Variants in RPGRIP1 observed in about 807,000 individuals in gnomAD.
RPGRIP1 encodes the protein X-linked retinitis pigmentosa GTPase regulator-interacting protein 1.
Under a neutral mutation model 157.9 loss-of-function variants are expected in RPGRIP1, and 128 were observed. The ratio of observed to expected loss-of-function variants is 0.81; its 90% CI spans 0.70 to 0.94. RPGRIP1 has a LOEUF of 0.94. Among genes scored for constraint, RPGRIP1 ranks in the 40% least tolerant of loss-of-function variants. The pLI, the probability that RPGRIP1 is intolerant of heterozygous loss-of-function variation, is 0.00. For synonymous variants in RPGRIP1, 554 were observed against 571.6 expected (o/e 0.97, Z 0.44); for missense variants, 1,486 against 1,545.8 (o/e 0.96, Z 0.65).
intron 1 of RPGRIP1, among the ~76,000 whole-genome samples, chr14:21,286,136 C>T (rs1880289891): frequency 6.6e-6 from 1 of 152,004 alleles, no homozygotes; most frequent in East Asian, 1.9e-4. Flanking sequence ...ATTAAAGGCA[C>T]CCGCCACCAC....
chr14:21,335,608 A>T (rs1226037783), intron 21 of RPGRIP1, among the ~76,000 whole-genome samples: 3 of 152,184 alleles, frequency 2.0e-5, no homozygotes, highest in Admixed American at 6.5e-5. Flanking sequence ...AGACGGGTGG[A>T]TCACGAGGTC....
At chr14:21,280,191 T>C (rs1181622840) in intron 1 of RPGRIP1, among the ~76,000 whole-genome samples, 32 bp downstream of exon 1, 1 of 151,968 alleles carries the variant, frequency 6.6e-6, no homozygotes, top group Non-Finnish European at 1.5e-5. Context: ...ATTTATAGTT[T>C]CCTATGTCTT....
At chr14:21,340,400 G>A (rs903144200) in intron 21 of RPGRIP1, among the ~76,000 whole-genome samples, 1 of 152,318 alleles carries the variant, frequency 6.6e-6, no homozygotes, top group Admixed American at 6.5e-5. Context: ...CACGCCTGTA[G>A]TCCCAACACT....
intron 21 of RPGRIP1, among the ~76,000 whole-genome samples, chr14:21,342,543 C>CAA (rs58979311): frequency 9.7e-4 from 110 of 113,288 alleles, no homozygotes; most frequent in African/African-American, 3.3e-3. Context: ...GACTCTGTCT[C>CAA]AAAAAAAAAA....
chr14:21,311,143 T>G (rs1013714011), intron 8 of RPGRIP1, among the ~76,000 whole-genome samples: 14 of 152,172 alleles, frequency 9.2e-5, no homozygotes, highest in African/African-American at 3.4e-4. Context: ...ATGTCACTTG[T>G]CTAGGTACAA....
chr14:21,320,663 G>A (rs149928345), intron 12 of RPGRIP1, among the ~76,000 whole-genome samples: 2,755 of 146,732 alleles, frequency 0.019, 68 homozygotes, highest in African/African-American at 0.062. Flanking sequence ...GCAATGGCGC[G>A]ATCTCGGCTC....
chr14:21,311,984 G>A lies in RPGRIP1; in HGVS notation c.1077+14G>A. 6.2e-7 allele frequency: 1 copy of A among 1,606,226 alleles called. No individual in the cohort carries two copies. The highest frequency in any genetic ancestry group is 8.5e-7 in the Non-Finnish European group (1 of 1,174,478). On this transcript the variant is annotated intron_variant, in intron 9 of 24. Coordinates refer to ENST00000400017, the MANE Select transcript of RPGRIP1 (RefSeq NM_020366.4). Reference sequence around the variant, plus strand: ...ACTCTGAAGGAGGTAAATAATAATAGTTGAAAGATACCATCTACATTTCAA... The same window carrying A: ...ACTCTGAAGGAGGTAAATAATAATAATTGAAAGATACCATCTACATTTCAA...
chr14:21,289,493 G>C (rs1880434727), intron 2 of RPGRIP1, among the ~76,000 whole-genome samples: 1 of 152,088 alleles, frequency 6.6e-6, no homozygotes, highest in African/African-American at 2.4e-5. Flanking sequence ...ACAAAAAAAG[G>C]TATTTTTGTA....
At chr14:21,298,941 TAAAAA>T (rs10555165) in intron 3 of RPGRIP1, among the ~76,000 whole-genome samples, 5 of 82,514 alleles carry the variant, frequency 6.1e-5, no homozygotes, top group Admixed American at 1.4e-4. Context: ...CTCTGTCTCA[TAAAAA>T]AAAAAAAAAA....
At chr14:21,298,610 A>G (rs1880892531) in intron 3 of RPGRIP1, among the ~76,000 whole-genome samples, 1 of 151,290 alleles carries the variant, frequency 6.6e-6, no homozygotes. Context: ...TTGCTTTCTC[A>G]TTGTAACCCC....
At chr14:21,318,840 CTTT>C (rs34157462) in intron 11 of RPGRIP1, among the ~76,000 whole-genome samples, 2 of 143,292 alleles carry the variant, frequency 1.4e-5, no homozygotes. Flanking sequence ...AACTGGAATA[CTTT>C]TTTTTTTTTT....
Position 21,310,596 on chromosome 14 carries a change from T to C in RPGRIP1, c.919T>C (p.Leu307=), listed in dbSNP as rs777964919. 6.9e-7 allele frequency: 1 copy of C among 1,455,052 alleles called. No homozygotes were observed. The highest frequency in any genetic ancestry group is 2.4e-5 in the Admixed American group (1 of 42,204). The allele number at this position is 1,455,052 out of a possible 1,614,324, so 90.1% of individuals were successfully genotyped here. A position where few individuals can be genotyped will look rare whatever the true frequency, so the allele number is the denominator to read the frequency against. ...TTCTTTCTTCCAGGCATACGAAACC[T>C]TGCTCCAGAAGGTACTTAATGAGAA... ...LTEVQEAYET[L]LQKNQGILSA... The change falls in exon 8 of 25, where the codon TTG becomes CTG. Residue 307 remains leucine (L), a synonymous_variant. Transcript: ENST00000400017.
At chr14:21,305,806 G>A in intron 6 of RPGRIP1, among the ~76,000 whole-genome samples, 1 of 151,948 alleles carries the variant, frequency 6.6e-6, no homozygotes, top group East Asian at 1.9e-4. Context: ...GGTTGCACTG[G>A]GCCAAGATTA....
At chr14:21,316,609 G>T (rs1380882293) in intron 10 of RPGRIP1, among the ~76,000 whole-genome samples, 2 of 151,760 alleles carry the variant, frequency 1.3e-5, no homozygotes, top group Admixed American at 1.3e-4. Flanking sequence ...GTAGAGACAG[G>T]GTTTCACTAT....
At chr14:21,316,867 C>T (rs1263883388) in intron 10 of RPGRIP1, among the ~76,000 whole-genome samples, 1 of 152,138 alleles carries the variant, frequency 6.6e-6, no homozygotes, top group Non-Finnish European at 1.5e-5. Context: ...CACCTATAAT[C>T]CCAACACTTT....
chr14:21,314,476 G>C (rs1881678681), intron 10 of RPGRIP1, among the ~76,000 whole-genome samples: 1 of 152,144 alleles, frequency 6.6e-6, no homozygotes, highest in African/African-American at 2.4e-5. Context: ...AAGTGGCCTG[G>C]CATGGTGGCT....
Position 21,322,003 on chromosome 14 carries a change from T to G in RPGRIP1, c.1761T>G (p.Ser587=). 1 of 1,611,944 alleles carries G rather than the reference T, an allele frequency of 6.2e-7. No homozygotes were observed. Among genetic ancestry groups the G allele is most frequent in the Non-Finnish European group, 8.5e-7 (1 of 1,179,080 alleles). ...GILRSHDLPT[S]EQLKDVAYGT... ...TAAGAAGCCATGACCTTCCAACATC[T>G]GGCAAGTCTTAGTCCTTTGTTCTCC... The change falls in exon 14 of 25, where the codon TCT becomes TCG. Residue 587 remains serine, a splice_region_variant and synonymous_variant. Transcript: ENST00000400017.
intron 14 of RPGRIP1, 93 bp from the exon 15 acceptor site, chr14:21,324,525 C>T (rs1470149721): frequency 1.9e-6 from 2 of 1,042,326 alleles, no homozygotes; most frequent in East Asian, 4.7e-5. Context: ...TGGACTTCCA[C>T]CATGTGTTTT....
chr14:21,350,310 A>T (rs566063406), intron 24 of RPGRIP1, among the ~76,000 whole-genome samples: 1 of 147,902 alleles, frequency 6.8e-6, no homozygotes, highest in African/African-American at 2.5e-5. Flanking sequence ...CGGGAGGCGG[A>T]GGTTGCAGTG....
Sources: gnomAD v4.1 joint callset for allele counts (sites outside exome capture counted in the v4.1 genomes callset) on GRCh38, gnomAD v4.1.1 for gene constraint, MANE v1.5 for transcripts, NCBI Gene and HGNC (gene_info 2026-07-23, HGNC 2026-07-21) for gene names.